ASTN2: variants seen among roughly 807,000 people sequenced by gnomAD.
ASTN2 encodes astrotactin 2.
In ASTN2, 54 loss-of-function variants were observed where a neutral mutation model predicts 139.8. That is an observed-to-expected ratio of 0.39 (90% CI 0.31 to 0.48). The LOEUF (loss-of-function observed/expected upper bound fraction) is 0.48. Ranked by LOEUF, ASTN2 falls within the 20% of genes least tolerant of loss-of-function variation. The pLI is 0.95. For missense variants in ASTN2, 1,565 were observed against 1,725.1 expected, an observed-to-expected ratio of 0.91 and a Z score of 1.64; for synonymous variants, 756 against 719.5, an observed-to-expected ratio of 1.05 and a Z score of -0.81.
chr9:117,063,868 A>G (rs1025396017), intron 5 of ASTN2, among the ~76,000 whole-genome samples: 8 of 152,086 alleles, frequency 5.3e-5, no homozygotes, highest in Admixed American at 2.6e-4. Flanking sequence ...GAGCCACAGG[A>G]CCACAAGTGC....
intron 16 of ASTN2, among the ~76,000 whole-genome samples, chr9:116,652,523 CA>C (rs1266734164): frequency 6.6e-6 from 1 of 152,054 alleles, no homozygotes; most frequent in Non-Finnish European, 1.5e-5. Flanking sequence ...CTATATTTTC[CA>C]TGCAGCCCAA....
At chr9:117,279,761 T>C (rs551186968) in intron 2 of ASTN2, among the ~76,000 whole-genome samples, 3 of 152,328 alleles carry the variant, frequency 2.0e-5, no homozygotes, top group East Asian at 3.9e-4. Flanking sequence ...ACATTAACCA[T>C]GATTCAACAC....
At chr9:116,611,301 C>G (rs551940385) in intron 19 of ASTN2, 1 of 152,190 alleles carries the variant, frequency 6.6e-6, no homozygotes, top group South Asian at 2.1e-4. Context: ...GAGGGAATGA[C>G]TACATTACAA....
At chr9:116,662,971 G>T (rs1169135121) in intron 16 of ASTN2, among the ~76,000 whole-genome samples, 1 of 152,208 alleles carries the variant, frequency 6.6e-6, no homozygotes, top group African/African-American at 2.4e-5. Context: ...GTCCAAAGGA[G>T]CTGAGATGGA....
chr9:117,039,799 C>T lies in ASTN2; in HGVS notation c.1423+20G>A. On this transcript the variant is annotated intron_variant, in intron 6 of 22. Coordinates refer to ENST00000313400, the MANE Select transcript of ASTN2 (RefSeq NM_001365068.1). ...AAGGTGCTGAGTGGGTGTGGAGCATCTGCAATGCTCGGCTCTTACCATCTG... is the reference window on the plus strand; with the variant it reads ...AAGGTGCTGAGTGGGTGTGGAGCATTTGCAATGCTCGGCTCTTACCATCTG... The T allele has an allele frequency of 6.2e-7, 1 of 1,609,522 alleles. No homozygotes were observed. The highest frequency in any genetic ancestry group is 1.1e-5 in the South Asian group (1 of 90,548).
intron 10 of ASTN2, among the ~76,000 whole-genome samples, chr9:116,967,759 C>A (rs998353725): frequency 2.0e-5 from 3 of 152,184 alleles, no homozygotes; most frequent in African/African-American, 4.8e-5. Context: ...GGATCCTTCT[C>A]AAGCCAAGTG....
chr9:116,974,849 A>G (rs1291385569), intron 10 of ASTN2, among the ~76,000 whole-genome samples: 2 of 152,154 alleles, frequency 1.3e-5, no homozygotes, highest in Non-Finnish European at 2.9e-5. Context: ...AGCCCAAAGC[A>G]CATCCCATGG....
At chr9:116,936,831 T>C (rs903822067) in intron 10 of ASTN2, among the ~76,000 whole-genome samples, 3 of 152,156 alleles carry the variant, frequency 2.0e-5, no homozygotes, top group Non-Finnish European at 2.9e-5. Context: ...GCACACCTTG[T>C]TTATGTCTTT....
intron 5 of ASTN2, among the ~76,000 whole-genome samples, chr9:117,044,756 T>C (rs1838683037): frequency 6.6e-6 from 1 of 152,204 alleles, no homozygotes; most frequent in Non-Finnish European, 1.5e-5. Flanking sequence ...CCGATTTTTA[T>C]TGAACATCAA....
At chr9:116,858,920 A>C (rs1372436008) in intron 11 of ASTN2, among the ~76,000 whole-genome samples, 1 of 152,228 alleles carries the variant, frequency 6.6e-6, no homozygotes, top group Non-Finnish European at 1.5e-5. Flanking sequence ...CAAATTTATT[A>C]TCTCACAGTT....
intron 1 of ASTN2, among the ~76,000 whole-genome samples, chr9:117,410,625 G>A (rs542614632): frequency 6.6e-5 from 10 of 152,290 alleles, no homozygotes; most frequent in East Asian, 1.9e-4. Context: ...CCTAACCAGC[G>A]TTAAATTTCT....
At chr9:116,443,836 G>A (rs1847908720) in intron 20 of ASTN2, among the ~76,000 whole-genome samples, 1 of 152,008 alleles carries the variant, frequency 6.6e-6, no homozygotes, top group South Asian at 2.1e-4. Context: ...GAAGAGACTA[G>A]GGTCATAATG....
intron 5 of ASTN2, among the ~76,000 whole-genome samples, chr9:117,056,681 G>T (rs1167296558): frequency 6.6e-6 from 1 of 152,188 alleles, no homozygotes; most frequent in Non-Finnish European, 1.5e-5. Context: ...CTTTACCAAG[G>T]CACCTCTCCC....
chr9:116,728,005 T>C (rs116835131), intron 15 of ASTN2, among the ~76,000 whole-genome samples: 7,474 of 152,190 alleles, frequency 0.049, 509 homozygotes, highest in African/African-American at 0.15. Context: ...AAAGACCTCA[T>C]AGATAATTAG....
intron 6 of ASTN2, among the ~76,000 whole-genome samples, chr9:117,022,491 T>A (rs1837913827): frequency 6.6e-6 from 1 of 151,970 alleles, no homozygotes; most frequent in African/African-American, 2.4e-5. Flanking sequence ...CATCATTTGC[T>A]GATGTGTTCC....
chr9:116,628,347 T>C (rs1856565622), intron 17 of ASTN2, among the ~76,000 whole-genome samples: 2 of 152,164 alleles, frequency 1.3e-5, no homozygotes, highest in South Asian at 4.1e-4. Flanking sequence ...CCTCAGTAAG[T>C]CTCTTCCCCT....
At chr9:116,607,669 TAACACACACA>T (rs1376520976) in intron 19 of ASTN2, among the ~76,000 whole-genome samples, 2 of 108,870 alleles carry the variant, frequency 1.8e-5, no homozygotes, top group African/African-American at 7.1e-5. Flanking sequence ...ATTAAGAAAT[TAACACACACA>T]CACACACACA....
intron 16 of ASTN2, among the ~76,000 whole-genome samples, chr9:116,658,674 G>A (rs1303569325): frequency 6.7e-6 from 1 of 148,560 alleles, no homozygotes; most frequent in African/African-American, 2.5e-5. Context: ...ACCAGAGACC[G>A]CAAAGCCAGG....
At chr9:116,823,361 TACTG>T (rs1439443307) in intron 11 of ASTN2, among the ~76,000 whole-genome samples, 1 of 152,200 alleles carries the variant, frequency 6.6e-6, no homozygotes, top group Admixed American at 6.5e-5. Flanking sequence ...CCCTGTCATT[TACTG>T]ACTGACTGAT....
Sources: allele counts gnomAD v4.1 joint callset (sites outside exome capture counted in the v4.1 genomes callset), GRCh38; gene constraint gnomAD v4.1.1; transcripts MANE v1.5; gene names NCBI Gene and HGNC (gene_info 2026-07-23, HGNC 2026-07-21).